Variants in HHAT observed in about 807,000 individuals in gnomAD.
HHAT encodes the protein protein-cysteine N-palmitoyltransferase HHAT.
HHAT carries 47 observed loss-of-function variants against 70.8 expected under a neutral mutation model. That is an observed-to-expected ratio of 0.66 (90% CI 0.53 to 0.85). The LOEUF is 0.85. HHAT is among the 40% of genes least tolerant of loss of function. HHAT has a pLI of 0.00. For synonymous variants in HHAT, 228 were observed against 247.6 expected (o/e 0.92, Z 0.74); for missense variants, 609 against 604.8 (o/e 1.01, Z -0.07).
chr1:210,494,542 CTTTTTTTTTTT>C (rs71146226), intron 8 of HHAT, among the ~76,000 whole-genome samples: 15,348 of 83,074 alleles, frequency 0.18, 1,381 homozygotes, highest in South Asian at 0.37. Context: ...TTTGAAATAG[CTTTTTTTTTTT>C]TTTTTTTTTT....
chr1:210,496,456 A>G (rs1239014411), intron 8 of HHAT, among the ~76,000 whole-genome samples: 1 of 152,210 alleles, frequency 6.6e-6, no homozygotes, highest in Non-Finnish European at 1.5e-5. Flanking sequence ...CTCTTCTGTT[A>G]GTCACATCTA....
intron 3 of HHAT, among the ~76,000 whole-genome samples, chr1:210,370,676 A>T (rs558859785): frequency 7.2e-6 from 1 of 138,174 alleles, no homozygotes; most frequent in East Asian, 2.1e-4. Flanking sequence ...GTGCAGTGAC[A>T]TGATCTTGGC....
intron 9 of HHAT, among the ~76,000 whole-genome samples, chr1:210,540,560 C>T (rs1007637154): frequency 6.6e-6 from 1 of 151,068 alleles, no homozygotes; most frequent in Non-Finnish European, 1.5e-5. Context: ...CATAGACATA[C>T]ACATAGTGTG....
At chr1:210,435,567 G>A (rs949283684) in intron 7 of HHAT, among the ~76,000 whole-genome samples, 1 of 151,740 alleles carries the variant, frequency 6.6e-6, no homozygotes, top group African/African-American at 2.4e-5. Flanking sequence ...CATAGTGGCT[G>A]TAGTAGTTTA....
At chr1:210,509,277 C>T (rs576077582) in intron 8 of HHAT, among the ~76,000 whole-genome samples, 34 of 152,168 alleles carry the variant, frequency 2.2e-4, no homozygotes, top group Non-Finnish European at 4.0e-4. Context: ...TCTGAAGGTG[C>T]TCTCATGAGC....
chr1:210,472,087 C>G (rs2094215084), intron 8 of HHAT, among the ~76,000 whole-genome samples: 1 of 152,164 alleles, frequency 6.6e-6, no homozygotes, highest in Non-Finnish European at 1.5e-5. Context: ...CAGATAACAT[C>G]TCAAAATCAA....
chr1:210,395,416 C>A (rs1293576975), intron 4 of HHAT, among the ~76,000 whole-genome samples: 1 of 123,658 alleles, frequency 8.1e-6, no homozygotes, highest in African/African-American at 3.4e-5. Context: ...AATCTGTAGT[C>A]TTTTCTTAAG....
chr1:210,351,963 G>C (rs987926260), intron 2 of HHAT, among the ~76,000 whole-genome samples: 6 of 152,162 alleles, frequency 3.9e-5, no homozygotes, highest in Admixed American at 3.9e-4. Context: ...GCCACCTCTG[G>C]AGTTTCTCTC....
chr1:210,428,865 A>G (rs1321173579), intron 7 of HHAT, among the ~76,000 whole-genome samples: 15 of 151,438 alleles, frequency 9.9e-5, no homozygotes, highest in Admixed American at 9.8e-4. Flanking sequence ...AGTGCCAGCT[A>G]CTCAGGAGGC....
rs80310097 is a variant in HHAT, at chr1:210,523,768, G to C, written c.1043+10580G>C. 8.1e-3 allele frequency among the ~76,000 whole-genome samples: 1,235 copies of C among 152,266 alleles called. 15 individuals are homozygous for C. Among genetic ancestry groups the C allele is most frequent in the African/African-American group, 0.028 (1,176 of 41,558 alleles). ...AAACTTTATTTTCAAAAATGTAAAA[G>C]GACTTAGTAACCGTCTAATTTTCTT... On this transcript the variant is annotated intron_variant, in intron 9 of 11. Transcript: ENST00000261458.
At chr1:210,379,043 A>G (rs2090438194) in intron 3 of HHAT, among the ~76,000 whole-genome samples, 2 of 152,268 alleles carry the variant, frequency 1.3e-5, no homozygotes, top group Non-Finnish European at 1.5e-5. Context: ...AAAAACCTGT[A>G]GGAGCAGGCA....
At chr1:210,660,486 T>C (rs1049088110) in intron 11 of HHAT, among the ~76,000 whole-genome samples, 8 of 152,334 alleles carry the variant, frequency 5.3e-5, no homozygotes, top group Admixed American at 2.0e-4. Context: ...ATTGCCATAC[T>C]GCCCAAGGTA....
chr1:210,488,894 A>G (rs578187654), intron 8 of HHAT, among the ~76,000 whole-genome samples: 1 of 152,328 alleles, frequency 6.6e-6, no homozygotes, highest in African/African-American at 2.4e-5. Context: ...TTGTTTCACA[A>G]AAAGAAAAAT....
chr1:210,366,646 A>G (rs1204586376), intron 3 of HHAT, among the ~76,000 whole-genome samples: 12 of 152,262 alleles, frequency 7.9e-5, no homozygotes, highest in Non-Finnish European at 1.8e-4. Context: ...AAAAACAAGA[A>G]ACAATTTAAA....
At chr1:210,383,121 CTT>C (rs2090776089) in intron 3 of HHAT, among the ~76,000 whole-genome samples, 1 of 152,168 alleles carries the variant, frequency 6.6e-6, no homozygotes, top group Admixed American at 6.5e-5. Context: ...TGGTGGATCT[CTT>C]GAGGTCAGGA....
At chr1:210,534,625 A>G (rs768668519) in intron 9 of HHAT, among the ~76,000 whole-genome samples, 1 of 152,170 alleles carries the variant, frequency 6.6e-6, no homozygotes, top group Non-Finnish European at 1.5e-5. Context: ...TTTAATGTAT[A>G]CCTTATATAC....
At chr1:210,478,598 A>T (rs1212330654) in intron 8 of HHAT, among the ~76,000 whole-genome samples, 1 of 152,136 alleles carries the variant, frequency 6.6e-6, no homozygotes, top group African/African-American at 2.4e-5. Context: ...ATGTTAGGTG[A>T]GGTGGAGAGT....
chr1:210,455,223 C>A (rs910760978), intron 7 of HHAT, among the ~76,000 whole-genome samples: 41 of 152,172 alleles, frequency 2.7e-4, no homozygotes, highest in African/African-American at 9.9e-4. Flanking sequence ...ACGTTACCTG[C>A]CCTTTATAGC....
intron 7 of HHAT, among the ~76,000 whole-genome samples, chr1:210,447,816 GTAA>G (rs1433679344): frequency 3.9e-5 from 6 of 152,124 alleles, no homozygotes; most frequent in Non-Finnish European, 8.8e-5. Flanking sequence ...CCACATTCTG[GTAA>G]TATAGATCTG....
Sources: allele counts gnomAD v4.1 joint callset (sites outside exome capture counted in the v4.1 genomes callset), GRCh38; gene constraint gnomAD v4.1.1; transcripts MANE v1.5; gene names NCBI Gene and HGNC (gene_info 2026-07-23, HGNC 2026-07-21).